Variants in WRN observed in about 807,000 individuals in gnomAD.
The protein encoded by WRN is WRN RecQ like helicase, also known as bifunctional 3'-5' exonuclease/ATP-dependent helicase WRN.
WRN carries 149 observed loss-of-function variants against 180.7 expected under a neutral mutation model. The ratio of observed to expected loss-of-function variants is 0.82; its 90% CI spans 0.72 to 0.94. The LOEUF is 0.94. Ranked by LOEUF, WRN falls within the 40% of genes least tolerant of loss-of-function variation. WRN has a pLI of 0.00. For synonymous variants in WRN, 548 were observed against 568.9 expected (o/e 0.96, Z 0.52); for missense variants, 1,661 against 1,700.1 (o/e 0.98, Z 0.40).
rs776008000 is a variant in WRN, at chr8:31,087,795, G to T, written c.1451G>T (p.Ser484Ile). 128 of 1,613,450 alleles carry T rather than the reference G, an allele frequency of 7.9e-5. No homozygotes were observed. The highest frequency in any genetic ancestry group is 1.1e-4 in the Non-Finnish European group (125 of 1,179,724). The change falls in exon 12 of 35, where the codon AGT becomes ATT. Residue 484 changes from serine (S) to isoleucine (I), a missense_variant. Transcript: ENST00000298139. ...EMLKSLENLN[S>I]GTVEPTHSKC... ...TTTCAGTCTTTAGAAAACCTCAATAGTGGCACGGTAGAACCAACTCATTCT... is the reference window on the plus strand; with the variant it reads ...TTTCAGTCTTTAGAAAACCTCAATATTGGCACGGTAGAACCAACTCATTCT...
Position 31,085,200 on chromosome 8 carries a change from C to T in WRN, c.1385C>T (p.Ser462Phe). ...CCCAATGATAATGAAAACGATACGT[C>T]CTATGTAATTGAGAGTGATGAAGAT... Reference protein sequence around the residue: ...LSPNDNENDTSYVIESDEDLE... With the variant: ...LSPNDNENDTFYVIESDEDLE... The change falls in exon 11 of 35, where the codon TCC becomes TTC. Residue 462 changes from serine (S) to phenylalanine (F), a missense_variant. By Grantham distance (155) the Ser-to-Phe change is radical (BLOSUM62 -2). Around this residue, in one of 3 missense-constraint regions of WRN, gnomAD observed 20 missense variants for 46.7 expected, o/e 0.43. Transcript: ENST00000298139. The T allele has an allele frequency of 6.2e-7, 1 of 1,612,420 alleles. No individual in the cohort carries two copies.
Position 31,100,876 on chromosome 8 carries a change from C to T in WRN, c.2009C>T (p.Ala670Val), listed in dbSNP as rs1272066150. The T allele has an allele frequency of 1.2e-6, 2 of 1,613,658 alleles. No homozygotes were observed. The highest frequency in any genetic ancestry group is 1.7e-6 in the Non-Finnish European group (2 of 1,179,950). ...ATCACGCTCATTGCTGTGGATGAGG[C>T]TCACTGTATTTCTGAGTGGGGGCAT... ...IGITLIAVDE[A>V]HCISEWGHDF... The change falls in exon 18 of 35, where the codon GCT becomes GTT. Residue 670 changes from alanine to valine, a missense_variant. Ala to Val is a moderately conservative substitution (Grantham distance 64, BLOSUM62 0). This residue lies in a region of WRN where 1,141 missense variants were observed against 1,149.4 expected (regional missense o/e 0.99). Coordinates refer to ENST00000298139, the MANE Select transcript of WRN (RefSeq NM_000553.6).
rs11574341 is a variant in WRN at position 31,141,162 on chromosome 8, C to T, written c.2968-268C>T. Among the ~76,000 whole-genome samples the T allele has an allele frequency of 0.027, 4,062 of 152,196 alleles. 180 individuals are homozygous for T. The highest frequency in any genetic ancestry group is 0.089 in the African/African-American group (3,708 of 41,514). On this transcript the variant is annotated intron_variant, in intron 24 of 34. Transcript: ENST00000298139. ...TAACAAAAGCTAAGTGTTCCAAACA[C>T]ATATCCAAACCTATACACTGGGCAA...
intron 32 of WRN, among the ~76,000 whole-genome samples, chr8:31,155,504 C>A (rs1803348216): frequency 6.6e-6 from 1 of 151,992 alleles, no homozygotes; most frequent in South Asian, 2.1e-4. Flanking sequence ...TGCCTGTAAT[C>A]CCAGATACTT....
At chr8:31,044,404 T>C (rs1168218170) in intron 1 of WRN, among the ~76,000 whole-genome samples, 4 of 135,588 alleles carry the variant, frequency 3.0e-5, no homozygotes, top group African/African-American at 1.1e-4. Context: ...TTGCCCAGGC[T>C]GGAGTGCAAT....
At chr8:31,044,767 C>A (rs1811796733) in intron 1 of WRN, among the ~76,000 whole-genome samples, 1 of 152,116 alleles carries the variant, frequency 6.6e-6, no homozygotes, top group Non-Finnish European at 1.5e-5. Context: ...CTATTTTATT[C>A]TTTTACTGGC....
rs1332781428 is a variant in WRN at position 31,087,647 on chromosome 8, G to A, written c.1432-129G>A. ...ACCGGAGCACACATGTTCTTTTGTA[G>A]TATGGCTTGCACATCTGCCAGCTTT... On this transcript the variant is annotated intron_variant, in intron 11 of 34. Coordinates refer to ENST00000298139, the MANE Select transcript of WRN (RefSeq NM_000553.6). 7.9e-5 allele frequency: 69 copies of A among 875,638 alleles called. No homozygotes were observed. The Admixed American group carries it at 1.3e-3, about 17-fold the overall frequency. 54.2% of individuals were successfully genotyped at this position (875,638 alleles called of 1,614,324 possible).
chr8:31,061,866 A>G (rs1812496997), intron 3 of WRN, among the ~76,000 whole-genome samples: 1 of 152,126 alleles, frequency 6.6e-6, no homozygotes. Flanking sequence ...GCCCAGCCCC[A>G]TAGAGTTTTA....
chr8:31,070,253 A>G (rs1563332922), intron 7 of WRN, among the ~76,000 whole-genome samples: 2 of 151,760 alleles, frequency 1.3e-5, no homozygotes, highest in African/African-American at 4.8e-5. Context: ...TTATTCAGCC[A>G]GAAGTATCAG....
chr8:31,144,623 C>T (rs747285371), intron 28 of WRN, among the ~76,000 whole-genome samples: 3 of 152,068 alleles, frequency 2.0e-5, no homozygotes, highest in Non-Finnish European at 2.9e-5. Flanking sequence ...AGGTGTGAGC[C>T]GCTGTGCCTG....
At chr8:31,103,262 C>T (rs980231469) in intron 18 of WRN, among the ~76,000 whole-genome samples, 3 of 152,136 alleles carry the variant, frequency 2.0e-5, no homozygotes, top group African/African-American at 7.2e-5. Flanking sequence ...GAGGAGTATA[C>T]TCTAAAATAA....
At chr8:31,067,683 G>A (rs1463436242) in intron 6 of WRN, among the ~76,000 whole-genome samples, 2 of 152,100 alleles carry the variant, frequency 1.3e-5, no homozygotes, top group Admixed American at 6.6e-5. Context: ...ATGTTTGTAT[G>A]TAGTGAAATC....
chr8:31,155,798 T>C (rs1304893583), intron 32 of WRN, among the ~76,000 whole-genome samples: 26 of 152,204 alleles, frequency 1.7e-4, no homozygotes, highest in Non-Finnish European at 5.9e-5. Context: ...ATTAAGTTGA[T>C]TTGGAACAAG....
At chr8:31,114,584 G>A (rs1801440644) in intron 19 of WRN, among the ~76,000 whole-genome samples, 1 of 152,064 alleles carries the variant, frequency 6.6e-6, no homozygotes, top group Non-Finnish European at 1.5e-5. Flanking sequence ...AAATTGAAAA[G>A]GACTCCAATT....
rs1803438713 is a variant in WRN, at chr8:31,157,586, A to G, written c.3982+56A>G. 8 of 1,602,724 alleles carry G rather than the reference A, an allele frequency of 5.0e-6. No individual in the cohort carries two copies. In the East Asian group the frequency reaches 1.8e-4, roughly 36 times the overall value. On this transcript the variant is annotated intron_variant, in intron 33 of 34. Coordinates refer to ENST00000298139, the MANE Select transcript of WRN (RefSeq NM_000553.6). ...AATGACTTGATGAAGTAAACAAGCA[A>G]TCCACTATATTTTTCACTGTTAACA...
chr8:31,125,543 T>TATATAC (rs1801893867), intron 23 of WRN, among the ~76,000 whole-genome samples: 1 of 78,412 alleles, frequency 1.3e-5, no homozygotes, highest in African/African-American at 4.3e-5. Flanking sequence ...TGGAGATATA[T>TATATAC]ATATATATAT....
At chr8:31,113,029 A>C (rs543180590) in intron 19 of WRN, among the ~76,000 whole-genome samples, 350 of 151,948 alleles carry the variant, frequency 2.3e-3, no homozygotes, top group Middle Eastern at 0.01. Context: ...AACATGGTGA[A>C]TCCCTGTCTC....
intron 32 of WRN, among the ~76,000 whole-genome samples, chr8:31,157,108 C>T (rs1248322029): frequency 6.6e-6 from 1 of 151,962 alleles, no homozygotes; most frequent in Non-Finnish European, 1.5e-5. Flanking sequence ...TAGAGAGGGG[C>T]GAGGATTGAA....
intron 32 of WRN, among the ~76,000 whole-genome samples, chr8:31,156,790 A>G (rs1803402457): frequency 1.3e-5 from 2 of 152,228 alleles, no homozygotes; most frequent in African/African-American, 4.8e-5. Context: ...GTTCATGTGA[A>G]GTTCAATAGT....
Sources: allele counts gnomAD v4.1 joint callset (sites outside exome capture counted in the v4.1 genomes callset), GRCh38; gene constraint gnomAD v4.1.1; regional missense constraint gnomAD v4.1.1; transcripts MANE v1.5; gene names NCBI Gene and HGNC (gene_info 2026-07-23, HGNC 2026-07-21).